Variants in EDRF1 observed in about 807,000 individuals in gnomAD.
EDRF1 encodes the protein erythroid differentiation regulatory factor 1.
In EDRF1, 69 loss-of-function variants were observed where a neutral mutation model predicts 148.7. The observed-to-expected ratio is 0.46, with a 90% CI of 0.38 to 0.57. EDRF1 has a LOEUF of 0.57. Among genes scored for constraint, EDRF1 ranks in the 20% least tolerant of loss-of-function variants. The probability of loss-of-function intolerance (pLI) is 0.00; values close to 1 mark genes in which losing one functional copy is unlikely to be tolerated. For synonymous variants in EDRF1, 515 were observed against 532.8 expected (o/e 0.97, Z 0.46); for missense variants, 1,118 against 1,478.7 (o/e 0.76, Z 4.00).
rs1200567549 is a variant in EDRF1 at position 125,743,309 on chromosome 10, T to C, written c.2590+33T>C. 2.5e-6 allele frequency: 4 copies of C among 1,570,118 alleles called. No individual in the cohort carries two copies. In the South Asian group the frequency reaches 4.5e-5, roughly 17 times the overall value. On this transcript the variant is annotated intron_variant, in intron 18 of 24. Coordinates refer to ENST00000356792, the MANE Select transcript of EDRF1 (RefSeq NM_001202438.2). ...TCTCTTTAGATTCCTCTCTATTGCTTGTTCTCTCAGAAAATTATGCTAATT... is the reference window on the plus strand; with the variant it reads ...TCTCTTTAGATTCCTCTCTATTGCTCGTTCTCTCAGAAAATTATGCTAATT...
At chr10:125,728,148 G>A (rs1272571759) in intron 6 of EDRF1, among the ~76,000 whole-genome samples, 2 of 149,794 alleles carry the variant, frequency 1.3e-5, no homozygotes, top group African/African-American at 4.9e-5. Context: ...GTTGCAGTGA[G>A]CTGAGATCAT....
chr10:125,735,959 G>A (rs981644752), intron 13 of EDRF1, 55 bp downstream of exon 13: 62 of 1,478,834 alleles, frequency 4.2e-5, no homozygotes, highest in Non-Finnish European at 4.8e-5. Context: ...ATTGTTAATC[G>A]AATATAGTTA....
intron 8 of EDRF1, 161 bp from the exon 9 acceptor site, chr10:125,730,127 A>G (rs1396164150): frequency 3.3e-6 from 2 of 612,748 alleles, no homozygotes; most frequent in Non-Finnish European, 2.9e-6. Context: ...TAGCACAACC[A>G]CTGAGCTGCA....
intron 2 of EDRF1, 58 bp downstream of exon 2, chr10:125,721,470 T>C (rs1848001364): frequency 2.0e-6 from 3 of 1,507,936 alleles, no homozygotes; most frequent in Non-Finnish European, 2.8e-6. Flanking sequence ...AAAACTCTTA[T>C]TTGCTTTTAA....
chr10:125,749,563 C>G lies in EDRF1; in HGVS notation c.3275C>G (p.Thr1092Ser). ...ERVAFAEFQMTSQNSNVGKLK... is the reference protein window; with the variant it reads ...ERVAFAEFQMSSQNSNVGKLK... ...GTAGCATTTGCTGAATTTCAGATGA[C>G]CAGTAAGTCTTAATTTTCATTTCTC... The change falls in exon 22 of 25, where the codon ACC (threonine) becomes AGC (serine). Residue 1092 changes from threonine (T) to serine (S), a missense_variant and splice_region_variant. Coordinates refer to ENST00000356792, the MANE Select transcript of EDRF1 (RefSeq NM_001202438.2). 1 of 1,613,938 alleles carries G rather than the reference C, an allele frequency of 6.2e-7. No homozygotes were observed.
chr10:125,760,626 T>G (rs1329235427), intron 24 of EDRF1, among the ~76,000 whole-genome samples: 1 of 152,226 alleles, frequency 6.6e-6, no homozygotes, highest in East Asian at 1.9e-4. Context: ...AATGAAAACA[T>G]CTATAATTTT....
chr10:125,734,272 T>C, intron 12 of EDRF1, 89 bp downstream of exon 12: 1 of 968,550 alleles, frequency 1.0e-6, no homozygotes, highest in Non-Finnish European at 1.7e-6. Context: ...CTGATTCATA[T>C]TCCGTAACTG....
chr10:125,722,004 A>C (rs1478705957), intron 2 of EDRF1, among the ~76,000 whole-genome samples: 2 of 152,238 alleles, frequency 1.3e-5, no homozygotes, highest in African/African-American at 4.8e-5. Flanking sequence ...CAGCAACTCA[A>C]TCTAAAATAT....
In EDRF1 at chr10:125,763,255, G is replaced by C. The variant is rs1424024021; in HGVS notation, c.3546-46G>C. The C allele has an allele frequency of 6.4e-7, 1 of 1,567,402 alleles. No homozygotes were observed. Among genetic ancestry groups the C allele is most frequent in the East Asian group, 2.2e-5 (1 of 44,660 alleles). On this transcript the variant is annotated intron_variant, in intron 24 of 24. Coordinates refer to ENST00000356792, the MANE Select transcript of EDRF1 (RefSeq NM_001202438.2). This position sits in a 1 kb window ranked among gnomAD's most constrained non-coding sequence, Gnocchi z 4.3. ...TTTCTGGACCTCTGAATTGTCGGTA[G>C]GCATTGCTGGTCCCTTACCTGTCTC...
chr10:125,735,592 C>T, intron 12 of EDRF1, 52 bp from the exon 13 acceptor site: 1 of 1,577,998 alleles, frequency 6.3e-7, no homozygotes, highest in Non-Finnish European at 8.7e-7. Context: ...TAGTAAAATT[C>T]ATGTATTTTT....
chr10:125,747,831 T>G (rs1383037123), intron 20 of EDRF1, 32 bp from the exon 21 acceptor site: 1 of 1,613,908 alleles, frequency 6.2e-7, no homozygotes, highest in Admixed American at 1.7e-5. Flanking sequence ...ATTAGAAGCT[T>G]ATTTTTTTCT....
At chr10:125,758,259 A>G (rs564663097) in intron 24 of EDRF1, among the ~76,000 whole-genome samples, 20 of 152,132 alleles carry the variant, frequency 1.3e-4, no homozygotes, top group Non-Finnish European at 2.6e-4. Flanking sequence ...CATCTTGTCC[A>G]TTAGTGTCTT....
In EDRF1 at chr10:125,721,180, A is replaced by C. The variant is rs1847980847; in HGVS notation, c.109-24A>C. On this transcript the variant is annotated intron_variant, in intron 1 of 24. Coordinates refer to ENST00000356792, the MANE Select transcript of EDRF1 (RefSeq NM_001202438.2). Reference sequence around the variant, plus strand: ...TTTCGTTCTTAGTAATTTTCATTAAAGTTTCACCCAATGTGTTAATTAGGG... The same window carrying C: ...TTTCGTTCTTAGTAATTTTCATTAACGTTTCACCCAATGTGTTAATTAGGG... 3 of 1,611,362 alleles carry C rather than the reference A, an allele frequency of 1.9e-6. No homozygotes were observed. In the East Asian group the frequency reaches 6.7e-5, roughly 36 times the overall value.
At position 125,753,620 on chromosome 10, in the gene EDRF1, G is replaced by A. The variant is rs1327215702; in HGVS notation, c.3394-74G>A. On this transcript the variant is annotated intron_variant, in intron 23 of 24. Transcript: ENST00000356792. ...AATGTATTGGATGAATGAAACTGCA[G>A]TTCCATCACTTGGTACGATATGAAA... The A allele has an allele frequency of 9.8e-6, 15 of 1,529,824 alleles. No individual in the cohort carries two copies. In the South Asian group the frequency reaches 1.7e-4, roughly 17 times the overall value. 94.8% of individuals were successfully genotyped at this position (1,529,824 alleles called of 1,614,324 possible).
intron 6 of EDRF1, among the ~76,000 whole-genome samples, chr10:125,727,550 G>T (rs1433305556): frequency 6.6e-6 from 1 of 152,184 alleles, no homozygotes; most frequent in East Asian, 1.9e-4. Flanking sequence ...ATCGGTTCAT[G>T]AGTTGATAAC....
rs1381853554 is a variant in EDRF1 at position 125,725,389 on chromosome 10, G to A, written c.582G>A (p.Lys194=). ...ATCAGAAGTGGCAGAGGAAGAAAAA[G>A]AGCAAAGAGCACTGGTATCAAAAGG... ...LIDQKWQRKK[K]SKEHWYQKAI... is the part of the protein sequence containing the mutation. The change falls in exon 5 of 25, where the codon AAG becomes AAA. Residue 194 remains lysine (K), a synonymous_variant. Coordinates refer to ENST00000356792, the MANE Select transcript of EDRF1 (RefSeq NM_001202438.2). 1 of 1,613,992 alleles carries A rather than the reference G, an allele frequency of 6.2e-7. No individual in the cohort carries two copies. The highest frequency in any genetic ancestry group is 8.5e-7 in the Non-Finnish European group (1 of 1,179,944).
intron 24 of EDRF1, among the ~76,000 whole-genome samples, chr10:125,756,542 A>G (rs1404943603): frequency 6.6e-6 from 1 of 152,212 alleles, no homozygotes; most frequent in African/African-American, 2.4e-5. Context: ...TGAAGTCTCC[A>G]GCTACGCTTA....
chr10:125,745,205 G>A, intron 18 of EDRF1: 1 of 180,644 alleles, frequency 5.5e-6, no homozygotes, highest in South Asian at 1.2e-4. Context: ...AAATATCATA[G>A]ACTAGGTGAC....
Position 125,746,016 on chromosome 10 carries a change from A to T in EDRF1, c.2814+86A>T, listed in dbSNP as rs1849336534. On this transcript the variant is annotated intron_variant, in intron 19 of 24. Transcript: ENST00000356792. ...TGCCAGTTTCACTAAAATACTATAA[A>T]ACTAAAAATAATTAAACTCTGCTAA... 5 of 1,249,018 alleles carry T rather than the reference A, an allele frequency of 4.0e-6. No individual in the cohort carries two copies. The Admixed American group carries it at 8.9e-5, about 22-fold the overall frequency. The allele number at this position is 1,249,018 out of a possible 1,614,324, so 77.4% of individuals were successfully genotyped here.
Sources: gnomAD v4.1 joint callset for allele counts (sites outside exome capture counted in the v4.1 genomes callset) on GRCh38, gnomAD v4.1.1 for gene constraint, Gnocchi (gnomAD v3.1) non-coding constraint, MANE v1.5 for transcripts, NCBI Gene and HGNC (gene_info 2026-07-23, HGNC 2026-07-21) for gene names.